The following CDCA2 variants were observed in gnomAD, a reference collection of about 807,000 sequenced individuals.
CDCA2 encodes the protein cell division cycle-associated protein 2.
CDCA2 carries 44 observed loss-of-function variants against 67.0 expected under a neutral mutation model. The ratio of observed to expected loss-of-function variants is 0.66; its 90% CI spans 0.52 to 0.84. CDCA2 has a LOEUF of 0.84. Ranked by LOEUF, CDCA2 falls within the 40% of genes least tolerant of loss-of-function variation. The pLI is 0.00. For missense variants in CDCA2, 1,253 were observed against 1,203.2 expected (o/e 1.04, Z -0.61); for synonymous variants, 447 against 418.7 (o/e 1.07, Z -0.82).
At chr8:25,460,343 A>T in intron 2 of CDCA2, 41 bp from the exon 3 acceptor site, 1 of 1,614,034 alleles carries the variant, frequency 6.2e-7, no homozygotes, top group Non-Finnish European at 8.5e-7. Flanking sequence ...AGGTTTAGAC[A>T]GAGAGTTGTC....
chr8:25,474,485 A>G (rs1026641236), intron 7 of CDCA2, among the ~76,000 whole-genome samples: 21 of 152,118 alleles, frequency 1.4e-4, no homozygotes, highest in African/African-American at 5.1e-4. Context: ...GAGATTTTCT[A>G]TTGGTTCATG....
chr8:25,484,050 AAGTGTTTGATG>A lies in CDCA2; in HGVS notation c.1207_1217del (p.Val403IlefsTer10). ...ACTTTTGGAGAGGACTTAAGCCCGG[AAGTGTTTGATG>A]AATCTTTGCCAGCAAATACTCCATT... is the stretch of plus-strand genomic sequence containing the variant. On this transcript the variant is annotated frameshift_variant, in exon 10 of 15. Coordinates refer to ENST00000330560, the MANE Select transcript of CDCA2 (RefSeq NM_152562.4). LOFTEE classifies it high-confidence loss of function. The A allele has an allele frequency of 1.9e-6, 3 of 1,614,212 alleles. No homozygotes were observed. Among genetic ancestry groups the A allele is most frequent in the Non-Finnish European group, 2.5e-6 (3 of 1,180,040 alleles).
chr8:25,483,381 A>T lies in CDCA2; in HGVS notation c.1033-18A>T. On this transcript the variant is annotated intron_variant, in intron 8 of 14. Coordinates refer to ENST00000330560, the MANE Select transcript of CDCA2 (RefSeq NM_152562.4). ...ATTTCTATATGTAAAATTATTCATT[A>T]ATGTTTATTCTGTTTAGGAACACTG... 1 of 1,493,324 alleles carries T rather than the reference A, an allele frequency of 6.7e-7. No individual in the cohort carries two copies. The highest frequency in any genetic ancestry group is 9.0e-7 in the Non-Finnish European group (1 of 1,105,080). 92.5% of individuals were successfully genotyped at this position (1,493,324 alleles called of 1,614,324 possible).
rs116317972 is a variant in CDCA2, at chr8:25,468,381, T to C, written c.703T>C (p.Cys235Arg). 6.2e-6 allele frequency: 10 copies of C among 1,612,362 alleles called. No individual in the cohort carries two copies. The African/African-American group carries it at 8.0e-5, about 13-fold the overall frequency. ...QIFNIDTDRA[C>R]AVETSVDLSE... ...ATTCAATATTGATACAGACAGAGCA[T>C]GTGCAGTTGAAACTTCTGTAGATCT... is the stretch of plus-strand genomic sequence containing the variant. Residue 235 changes from cysteine (C) to arginine (R), a missense_variant, in exon 6 of 15, where the codon TGT becomes CGT. Coordinates refer to ENST00000330560, the MANE Select transcript of CDCA2 (RefSeq NM_152562.4).
chr8:25,498,438 C>G (rs1349518113), intron 13 of CDCA2, among the ~76,000 whole-genome samples: 1 of 144,314 alleles, frequency 6.9e-6, no homozygotes, highest in African/African-American at 2.5e-5. Flanking sequence ...AAACCCCTGT[C>G]CTCAGGTAAT....
In CDCA2 at chr8:25,506,719, A is replaced by G. The variant is rs1272807542; in HGVS notation, c.2053A>G (p.Ile685Val). 2.5e-6 allele frequency: 4 copies of G among 1,611,566 alleles called. No individual in the cohort carries two copies. Among genetic ancestry groups the G allele is most frequent in the Admixed American group, 3.4e-5 (2 of 59,490 alleles). ...DEDPNTNIMN[I>V]NENKNIPKAK... ...AGATCCAAATACAAATATAATGAAC[A>G]TTAATGAAAATAAAAATATTCCAAA... Residue 685 changes from isoleucine (I) to valine (V), a missense_variant, in exon 15 of 15, where the codon ATT (isoleucine) becomes GTT (valine). Physicochemically the swap from Ile to Val is conservative, Grantham distance 29 (BLOSUM62 3). Coordinates refer to ENST00000330560, the MANE Select transcript of CDCA2 (RefSeq NM_152562.4).
chr8:25,482,640 A>G (rs1476539975), intron 8 of CDCA2, among the ~76,000 whole-genome samples: 2 of 152,212 alleles, frequency 1.3e-5, no homozygotes, highest in African/African-American at 4.8e-5. Context: ...AGGCCGAGGC[A>G]CACGGATTGC....
intron 4 of CDCA2, among the ~76,000 whole-genome samples, chr8:25,465,046 C>T (rs1802845658): frequency 6.6e-6 from 1 of 151,994 alleles, no homozygotes; most frequent in Non-Finnish European, 1.5e-5. Flanking sequence ...TGATCTCGGC[C>T]CATTGCAACC....
At chr8:25,461,809 C>G (rs752764120) in intron 3 of CDCA2, among the ~76,000 whole-genome samples, 9 of 152,154 alleles carry the variant, frequency 5.9e-5, no homozygotes, top group Non-Finnish European at 1.0e-4. Context: ...TGTATTTATT[C>G]AACAACTTTT....
At chr8:25,461,258 ACT>A (rs1243435814) in intron 3 of CDCA2, among the ~76,000 whole-genome samples, 3 of 121,188 alleles carry the variant, frequency 2.5e-5, no homozygotes, top group South Asian at 5.9e-4. Flanking sequence ...CAAGAGTGAA[ACT>A]CTGTCTCCAA....
chr8:25,460,797 A>G (rs1051934613), intron 3 of CDCA2, among the ~76,000 whole-genome samples: 2 of 152,190 alleles, frequency 1.3e-5, no homozygotes, highest in Non-Finnish European at 2.9e-5. Flanking sequence ...CTTGATGCCA[A>G]TACTAGAAAA....
In CDCA2 at chr8:25,495,296, TAGAA is replaced by T. The variant is rs145536129; in HGVS notation, c.1671+6611_1671+6614del. Among the ~76,000 whole-genome samples, 45 of 152,328 alleles carry T rather than the reference TAGAA, an allele frequency of 3.0e-4. No individual in the cohort carries two copies. The East Asian group carries it at 7.9e-3, about 27-fold the overall frequency. On this transcript the variant is annotated intron_variant, in intron 13 of 14. Transcript: ENST00000330560. ...GACTATGAAACAAAACTAAAACTAG[TAGAA>T]AGAGAACAATCTCTAATAAGCGAAA...
intron 11 of CDCA2, among the ~76,000 whole-genome samples, chr8:25,486,904 C>G (rs1283407298): frequency 6.6e-6 from 1 of 151,996 alleles, no homozygotes; most frequent in African/African-American, 2.4e-5. Context: ...TCTTAATGTC[C>G]TTTATTGCGA....
At chr8:25,483,347 C>A in intron 8 of CDCA2, 52 bp from the exon 9 acceptor site, 1 of 1,197,982 alleles carries the variant, frequency 8.3e-7, no homozygotes. Flanking sequence ...TTAATGATGA[C>A]GTCTATGTAT....
intron 13 of CDCA2, among the ~76,000 whole-genome samples, chr8:25,490,511 G>A (rs192140665): frequency 8.5e-4 from 129 of 152,158 alleles, no homozygotes; most frequent in African/African-American, 3.0e-3. Flanking sequence ...GAATGTGCTA[G>A]GAGGGAGCTA....
At chr8:25,477,699 G>A (rs1442149861) in intron 7 of CDCA2, among the ~76,000 whole-genome samples, 3 of 152,062 alleles carry the variant, frequency 2.0e-5, no homozygotes, top group East Asian at 3.9e-4. Context: ...ATAGTTGCCC[G>A]TGGCCTTTTC....
chr8:25,475,207 C>T (rs1036697977), intron 7 of CDCA2, among the ~76,000 whole-genome samples: 3 of 152,120 alleles, frequency 2.0e-5, no homozygotes, highest in Admixed American at 1.3e-4. Flanking sequence ...AGGTTAGAGA[C>T]GCTTGACTAG....
At chr8:25,483,523 T>G (rs1369485045) in intron 9 of CDCA2, 37 bp downstream of exon 9, 1 of 1,446,310 alleles carries the variant, frequency 6.9e-7, no homozygotes, top group Non-Finnish European at 9.6e-7. Context: ...CTTGAGGATA[T>G]CATTTTCATG....
At chr8:25,484,699 C>G (rs931871536) in intron 10 of CDCA2, among the ~76,000 whole-genome samples, 11 of 151,616 alleles carry the variant, frequency 7.3e-5, no homozygotes, top group Non-Finnish European at 1.2e-4. Context: ...TCAAGCTATC[C>G]TCCCATATCC....
Sources: gnomAD v4.1 joint callset for allele counts (sites outside exome capture counted in the v4.1 genomes callset) on GRCh38, gnomAD v4.1.1 for gene constraint, MANE v1.5 for transcripts, NCBI Gene and HGNC (gene_info 2026-07-23, HGNC 2026-07-21) for gene names.